The following CTNNA2 variants were observed in gnomAD, a reference collection of about 807,000 sequenced individuals.
CTNNA2 encodes catenin alpha-2.
In CTNNA2, 42 loss-of-function variants were observed where a neutral mutation model predicts 101.0. The observed-to-expected ratio is 0.42, with a 90% confidence interval of 0.32 to 0.54. The LOEUF is 0.54. Among genes scored for constraint, CTNNA2 ranks in the 20% least tolerant of loss-of-function variants. The pLI is 0.14. For synonymous variants in CTNNA2, 450 were observed against 456.4 expected, an observed-to-expected ratio of 0.99 and a Z score of 0.18; for missense variants, 871 against 1,223.1, an observed-to-expected ratio of 0.71 and a Z score of 4.29.
chr2:80,158,086 C>T (rs1573250693), intron 7 of CTNNA2, among the ~76,000 whole-genome samples: 1 of 152,156 alleles, frequency 6.6e-6, no homozygotes, highest in Admixed American at 6.5e-5. Flanking sequence ...AACCTCGTCA[C>T]CCTGCATCAC....
chr2:79,486,271 G>C (rs1671156732), intron 4 of CTNNA2, among the ~76,000 whole-genome samples: 1 of 140,328 alleles, frequency 7.1e-6, no homozygotes, highest in Non-Finnish European at 1.5e-5. Context: ...TCCCCTTCCT[G>C]TGTCCATGTG....
intron 2 of CTNNA2, among the ~76,000 whole-genome samples, chr2:79,720,547 G>A (rs1057323493): frequency 2.6e-5 from 4 of 151,888 alleles, no homozygotes; most frequent in African/African-American, 7.3e-5. Context: ...TCATTTATTC[G>A]TGTTTTCTCT....
At chr2:80,186,007 T>C (rs1157355926) in intron 7 of CTNNA2, among the ~76,000 whole-genome samples, 4 of 152,200 alleles carry the variant, frequency 2.6e-5, no homozygotes, top group Non-Finnish European at 4.4e-5. Flanking sequence ...CCAATTGTTG[T>C]GGAGATTAGC....
At chr2:80,574,007 G>A (rs1262296241) in intron 12 of CTNNA2, among the ~76,000 whole-genome samples, 156 bp from the exon 13 acceptor site, 1 of 152,148 alleles carries the variant, frequency 6.6e-6, no homozygotes, top group Admixed American at 6.5e-5. Context: ...CTGTCATAAA[G>A]ACTACTAAAT....
At position 80,034,358 on chromosome 2, in the gene CTNNA2, T is replaced by C. The variant is rs112763282; in HGVS notation, c.1056+124561T>C. On this transcript the variant is annotated intron_variant, in intron 7 of 18. Coordinates refer to ENST00000402739, the MANE Select transcript of CTNNA2 (RefSeq NM_001282597.3). ...TGCTGAATTTCATTTTTTTTTCTTT[T>C]TTTTTTTTTTTTTGATACGGAGTCT... 1.4e-3 allele frequency among the ~76,000 whole-genome samples: 141 copies of C among 103,034 alleles called. 1 individual carries two copies. The highest frequency in any genetic ancestry group is 2.1e-3 in the African/African-American group (75 of 35,060). 67.6% of individuals were successfully genotyped at this position (103,034 alleles called of 152,430 possible).
intron 2 of CTNNA2, among the ~76,000 whole-genome samples, chr2:79,741,595 TTTC>T (rs1427563002): frequency 5.3e-5 from 8 of 152,206 alleles, no homozygotes; most frequent in Admixed American, 5.2e-4. Flanking sequence ...GTTATGGTTA[TTTC>T]TGATCATATA....
chr2:79,350,433 G>T (rs1368210129), intron 3 of CTNNA2, among the ~76,000 whole-genome samples: 1 of 152,100 alleles, frequency 6.6e-6, no homozygotes, highest in East Asian at 1.9e-4. Context: ...ATGGCCTCCA[G>T]CTCCATCCAT....
At chr2:79,242,969 A>AATATATATATATATATATATATATAT (rs137898899) in intron 2 of CTNNA2, among the ~76,000 whole-genome samples, 175 of 127,280 alleles carry the variant, frequency 1.4e-3, no homozygotes, top group Middle Eastern at 4.8e-3. Flanking sequence ...CCTGTCTCGA[A>AATATATATATATATATATATATATAT]ATATATATAT....
chr2:80,416,391 G>A (rs773083375), intron 8 of CTNNA2, among the ~76,000 whole-genome samples: 4 of 151,956 alleles, frequency 2.6e-5, no homozygotes, highest in South Asian at 4.1e-4. Context: ...AATCAAATCC[G>A]ATGTGTTTCT....
At chr2:79,850,519 A>G (rs1467564910) in intron 3 of CTNNA2, among the ~76,000 whole-genome samples, 3 of 151,748 alleles carry the variant, frequency 2.0e-5, no homozygotes, top group African/African-American at 7.3e-5. Context: ...ACTAGTCTTC[A>G]ACTCCTAATA....
rs191310183 is a variant in CTNNA2 at position 79,469,373 on chromosome 2, T to C, written c.-134-35681T>C. Among the ~76,000 whole-genome samples, 3 of 152,226 alleles carry C rather than the reference T, an allele frequency of 2.0e-5. No individual in the cohort carries two copies. The East Asian group carries it at 5.8e-4, about 30-fold the overall frequency. On this transcript the variant is annotated intron_variant, in intron 4 of 21. Coordinates refer to the CTNNA2 transcript ENST00000466387. ...ATAGACCAATAACAGGCTCTGAAATTGAGGCAATAATTAATAGCCTACCAA... is the reference window on the plus strand; with the variant it reads ...ATAGACCAATAACAGGCTCTGAAATCGAGGCAATAATTAATAGCCTACCAA...
intron 7 of CTNNA2, among the ~76,000 whole-genome samples, chr2:79,962,356 G>T (rs1303413711): frequency 6.6e-6 from 1 of 152,188 alleles, no homozygotes. Context: ...GCATCTAATC[G>T]TATTATTCAT....
chr2:80,129,367 G>C (rs987458619), intron 7 of CTNNA2, among the ~76,000 whole-genome samples: 2 of 152,276 alleles, frequency 1.3e-5, no homozygotes, highest in East Asian at 3.9e-4. Context: ...AAGGAGTAGC[G>C]AGTTAAAGCT....
At chr2:79,791,314 T>A (rs1277450453) in intron 3 of CTNNA2, among the ~76,000 whole-genome samples, 1 of 152,120 alleles carries the variant, frequency 6.6e-6, no homozygotes, top group Non-Finnish European at 1.5e-5. Flanking sequence ...TGAATCCAGT[T>A]TATTTTTCCC....
intron 3 of CTNNA2, among the ~76,000 whole-genome samples, chr2:79,786,243 T>C (rs1674834779): frequency 6.6e-6 from 1 of 152,022 alleles, no homozygotes; most frequent in Admixed American, 6.6e-5. Context: ...ATGGTTTTTT[T>C]TTATTTTATT....
At chr2:79,650,603 A>G (rs1172230615) in intron 1 of CTNNA2, among the ~76,000 whole-genome samples, 1 of 131,506 alleles carries the variant, frequency 7.6e-6, no homozygotes, top group Non-Finnish European at 1.5e-5. Flanking sequence ...CCTCTCCCAT[A>G]GTCCTCTCTG....
chr2:79,771,901 A>C (rs1402857587), intron 3 of CTNNA2, among the ~76,000 whole-genome samples: 1 of 152,204 alleles, frequency 6.6e-6, no homozygotes, highest in Non-Finnish European at 1.5e-5. Flanking sequence ...TAATAGTTTT[A>C]TGGCTATGAT....
chr2:80,503,710 C>T (rs996249727), intron 9 of CTNNA2, among the ~76,000 whole-genome samples: 14 of 152,016 alleles, frequency 9.2e-5, no homozygotes, highest in African/African-American at 3.1e-4. Flanking sequence ...TGGAATGTCC[C>T]GTAAAAAAGG....
intron 17 of CTNNA2, among the ~76,000 whole-genome samples, chr2:80,615,447 T>C (rs1188965416): frequency 6.6e-6 from 1 of 151,576 alleles, no homozygotes; most frequent in African/African-American, 2.4e-5. Flanking sequence ...GAGTTGGGAA[T>C]TTAAAGTCTC....
Sources: gnomAD v4.1 joint callset for allele counts (sites outside exome capture counted in the v4.1 genomes callset) on GRCh38, gnomAD v4.1.1 for gene constraint, MANE v1.5 for transcripts, NCBI Gene and HGNC (gene_info 2026-07-23, HGNC 2026-07-21) for gene names.